Variants in DOCK1 observed in about 807,000 individuals in gnomAD.
The protein encoded by DOCK1 is dedicator of cytokinesis 1.
A neutral mutation model predicts 262.7 loss-of-function variants in DOCK1; 138 were observed. That is an observed-to-expected ratio of 0.53 (90% CI 0.46 to 0.61). DOCK1 has a LOEUF of 0.61. DOCK1 is among the 20% of genes least tolerant of loss of function. The pLI is 0.00. For synonymous variants in DOCK1, 866 were observed against 867.4 expected, an observed-to-expected ratio of 1.00 and a Z score of 0.03; for missense variants, 1,908 against 2,370.7, an observed-to-expected ratio of 0.80 and a Z score of 4.05.
At chr10:127,405,451 T>C (rs1483584006) in intron 40 of DOCK1, among the ~76,000 whole-genome samples, 2 of 151,858 alleles carry the variant, frequency 1.3e-5, no homozygotes, top group Admixed American at 6.6e-5. Context: ...CTTTTTTTTT[T>C]TTTTTTTGGA....
chr10:127,322,505 T>C (rs2062579219), intron 29 of DOCK1, among the ~76,000 whole-genome samples: 1 of 148,870 alleles, frequency 6.7e-6, no homozygotes, highest in Non-Finnish European at 1.5e-5. Context: ...CACATAATTT[T>C]CTAAACCAGG....
At chr10:127,270,689 C>G (rs886979417) in intron 29 of DOCK1, among the ~76,000 whole-genome samples, 3 of 152,136 alleles carry the variant, frequency 2.0e-5, no homozygotes, top group Non-Finnish European at 2.9e-5. Flanking sequence ...GAGCTGCCAA[C>G]TTCCTTTCCA....
At chr10:126,941,750 A>C (rs1004393712) in intron 1 of DOCK1, among the ~76,000 whole-genome samples, 1 of 149,726 alleles carries the variant, frequency 6.7e-6, no homozygotes, top group Non-Finnish European at 1.5e-5. Flanking sequence ...GCGAGACTCC[A>C]TCTCAAAACA....
chr10:127,222,181 G>A (rs1429542193), intron 27 of DOCK1, among the ~76,000 whole-genome samples: 1 of 152,210 alleles, frequency 6.6e-6, no homozygotes, highest in Non-Finnish European at 1.5e-5. Flanking sequence ...TGAGCTGCCA[G>A]CAGCAGTGCA....
In DOCK1 at chr10:126,946,739, C is replaced by T. The variant is rs939810019; in HGVS notation, c.47-23963C>T. 3.6e-4 allele frequency among the ~76,000 whole-genome samples: 55 copies of T among 152,330 alleles called. 1 individual carries two copies. The highest frequency in any genetic ancestry group is 7.1e-4 in the Non-Finnish European group (48 of 68,032). On this transcript the variant is annotated intron_variant, in intron 1 of 51. Transcript: ENST00000623213. Reference sequence around the variant, plus strand: ...CCGGGTTCATCCATGTCACAGCACACGTCAACACTTCCTTGCTCTGAAGAA... The same window carrying T: ...CCGGGTTCATCCATGTCACAGCACATGTCAACACTTCCTTGCTCTGAAGAA...
At chr10:127,132,218 AT>A (rs1439429091) in intron 27 of DOCK1, among the ~76,000 whole-genome samples, 1 of 152,012 alleles carries the variant, frequency 6.6e-6, no homozygotes, top group African/African-American at 2.4e-5. Context: ...TCAGTTGTAT[AT>A]TGTTTGCTTT....
At chr10:127,052,488 C>G (rs1167605589) in intron 21 of DOCK1, among the ~76,000 whole-genome samples, 193 bp from the exon 22 acceptor site, 1 of 149,726 alleles carries the variant, frequency 6.7e-6, no homozygotes, top group Non-Finnish European at 1.5e-5. Context: ...TGCACCATTG[C>G]ACTCCATCCT....
rs542460680 is a variant in DOCK1, at chr10:127,361,929, G to A, written c.3284-135G>A. ...AAGTTCAAAATCATCATCTGCAGAC[G>A]CGAAATGGATGCACATTTTCGGGAT... On this transcript the variant is annotated intron_variant, in intron 32 of 51. Transcript: ENST00000623213. 1.1e-4 allele frequency: 105 copies of A among 989,312 alleles called. No individual in the cohort carries two copies. In the East Asian group the frequency reaches 1.7e-3, roughly 16 times the overall value. 61.3% of individuals were successfully genotyped at this position (989,312 alleles called of 1,614,324 possible). A position where few individuals can be genotyped will look rare whatever the true frequency, so the allele number is the denominator to read the frequency against.
intron 25 of DOCK1, among the ~76,000 whole-genome samples, chr10:127,122,052 A>G (rs2049618822): frequency 6.6e-6 from 1 of 152,234 alleles, no homozygotes; most frequent in Non-Finnish European, 1.5e-5. Context: ...TCAGTATTTC[A>G]GTGTTCCGAT....
intron 27 of DOCK1, among the ~76,000 whole-genome samples, chr10:127,241,501 C>T (rs1005014441): frequency 6.6e-6 from 1 of 152,070 alleles, no homozygotes; most frequent in South Asian, 2.1e-4. Flanking sequence ...CAAGTTTGTG[C>T]ACAGAGCATG....
At chr10:127,422,215 G>C (rs2068558520) in intron 46 of DOCK1, among the ~76,000 whole-genome samples, 1 of 116,352 alleles carries the variant, frequency 8.6e-6, no homozygotes, top group African/African-American at 3.4e-5. Flanking sequence ...TCACCAGCCT[G>C]GAGTGCAGTG....
At chr10:127,016,495 T>C (rs2041890529) in intron 12 of DOCK1, 1 of 152,300 alleles carries the variant, frequency 6.6e-6, no homozygotes, top group South Asian at 2.1e-4. Context: ...CGCTGTCGGT[T>C]ACCTCCCAGT....
chr10:126,959,160 A>G (rs998365157), intron 1 of DOCK1, among the ~76,000 whole-genome samples: 2 of 152,298 alleles, frequency 1.3e-5, no homozygotes, highest in African/African-American at 4.8e-5. Context: ...GTGGAGACCA[A>G]TGTTCTTTTG....
chr10:127,252,215 C>A (rs11016960), intron 28 of DOCK1, among the ~76,000 whole-genome samples: 25,943 of 117,088 alleles, frequency 0.22, 2,555 homozygotes, highest in South Asian at 0.37. Context: ...TGTCCTTCGC[C>A]CACTTTTTGA....
At chr10:126,916,638 CT>C (rs1020489420) in intron 1 of DOCK1, among the ~76,000 whole-genome samples, 223 of 152,168 alleles carry the variant, frequency 1.5e-3, no homozygotes, top group African/African-American at 5.3e-3. Context: ...CCCTTCTCCC[CT>C]TCTTCCCTCA....
chr10:127,426,033 T>C (rs762631170), intron 47 of DOCK1, 22 bp downstream of exon 47: 1 of 1,613,302 alleles, frequency 6.2e-7, no homozygotes, highest in South Asian at 1.1e-5. Context: ...GTATGCGTAG[T>C]GTTGCAGAAG....
intron 27 of DOCK1, among the ~76,000 whole-genome samples, chr10:127,149,858 A>C (rs948208394): frequency 1.3e-5 from 2 of 152,148 alleles, no homozygotes; most frequent in African/African-American, 4.8e-5. Flanking sequence ...CATGGTGCAT[A>C]TGGAGAAGTG....
chr10:127,059,827 T>C (rs1270937738), intron 22 of DOCK1, among the ~76,000 whole-genome samples: 5 of 152,190 alleles, frequency 3.3e-5, no homozygotes, highest in Non-Finnish European at 5.9e-5. Flanking sequence ...GACTGTGGTC[T>C]GGTTTTCTGC....
chr10:127,000,604 G>T (rs1340558832), intron 10 of DOCK1: 2 of 314,620 alleles, frequency 6.4e-6, no homozygotes, highest in Non-Finnish European at 1.2e-5. Flanking sequence ...AAGCCAGTCA[G>T]TGGAGGTTTT....
Sources: gnomAD v4.1 joint callset for allele counts (sites outside exome capture counted in the v4.1 genomes callset) on GRCh38, gnomAD v4.1.1 for gene constraint, MANE v1.5 for transcripts, NCBI Gene and HGNC (gene_info 2026-07-23, HGNC 2026-07-21) for gene names.